Variants in UNC13B observed in about 807,000 individuals in gnomAD.
The protein encoded by UNC13B is unc-13 homolog B.
UNC13B carries 144 observed loss-of-function variants against 211.0 expected under a neutral mutation model. The observed-to-expected ratio is 0.68, with a 90% confidence interval of 0.60 to 0.78. The LOEUF (loss-of-function observed/expected upper bound fraction) is 0.78, where lower values mean the gene tolerates loss of function less well. UNC13B is among the 30% of genes least tolerant of loss of function. The pLI, the probability that UNC13B is intolerant of heterozygous loss-of-function variation, is 0.00. For synonymous variants in UNC13B, 709 were observed against 725.8 expected (o/e 0.98, Z 0.37); for missense variants, 1,777 against 2,002.0 (o/e 0.89, Z 2.14).
intron 7 of UNC13B, among the ~76,000 whole-genome samples, chr9:35,282,343 C>A (rs1054023824): frequency 2.0e-5 from 3 of 152,004 alleles, no homozygotes; most frequent in African/African-American, 7.2e-5. Context: ...ATGTTGTCAC[C>A]CAAGTATGTA....
intron 7 of UNC13B, among the ~76,000 whole-genome samples, chr9:35,277,363 G>A (rs2131708732): frequency 6.6e-6 from 1 of 152,328 alleles, no homozygotes; most frequent in African/African-American, 2.4e-5. Context: ...TGAGACATGA[G>A]TTTGGCAATA....
intron 7 of UNC13B, among the ~76,000 whole-genome samples, chr9:35,265,224 G>A (rs925153267): frequency 6.6e-6 from 1 of 152,184 alleles, no homozygotes; most frequent in Non-Finnish European, 1.5e-5. Context: ...ACTGTATTTG[G>A]ACATAGGACC....
chr9:35,259,195 T>G, intron 7 of UNC13B, 145 bp downstream of exon 7: 2 of 809,862 alleles, frequency 2.5e-6, no homozygotes, highest in South Asian at 1.8e-5. Context: ...TCAGGCGCCT[T>G]TCTCTGATGG....
chr9:35,300,558 C>G lies in UNC13B; in HGVS notation c.1154C>G (p.Pro385Arg), dbSNP rs1486816405. Residue 385 changes from proline (P) to arginine (R), a missense_variant, in exon 9 of 40, where the codon CCC becomes CGC. Coordinates refer to ENST00000635942, the MANE Select transcript of UNC13B (RefSeq NM_001371189.2). ...SSTSDELLGS[P>R]ISDKQENLQS... The stretch of plus-strand genomic sequence containing the variant: ...ACTTCTGATGAACTTCTGGGTTCCC[C>G]CATTTCTGATAAGCAGGAAAATTTA... 1.5e-5 allele frequency: 6 copies of G among 398,814 alleles called. No individual in the cohort carries two copies. The highest frequency in any genetic ancestry group is 2.7e-5 in the Non-Finnish European group (6 of 226,034). 24.7% of individuals were successfully genotyped at this position (398,814 alleles called of 1,614,324 possible).
At chr9:35,227,975 T>TAA in intron 1 of UNC13B, 40 bp from the exon 2 acceptor site, 1 of 1,599,066 alleles carries the variant, frequency 6.3e-7, no homozygotes, top group Non-Finnish European at 8.6e-7. Flanking sequence ...AAAATGAACT[T>TAA]GGAAACATTC....
chr9:35,367,643 T>TC (rs11439848), intron 12 of UNC13B, among the ~76,000 whole-genome samples: 57,620 of 151,870 alleles, frequency 0.38, 11,732 homozygotes, highest in African/African-American at 0.53. Context: ...ATTAAGTTAC[T>TC]CCTAGGCTTG....
intron 7 of UNC13B, among the ~76,000 whole-genome samples, chr9:35,274,570 T>C (rs1828066939): frequency 6.6e-6 from 1 of 152,184 alleles, no homozygotes; most frequent in Admixed American, 6.5e-5. Context: ...TAGGATGGCC[T>C]GCTAGGACTT....
chr9:35,295,299 T>G lies in UNC13B; in HGVS notation c.527-397T>G, dbSNP rs2296944. Among the ~76,000 whole-genome samples the G allele has an allele frequency of 7.2e-4, 110 of 152,322 alleles. 4 individuals carry two copies. The East Asian group carries it at 0.021, about 29-fold the overall frequency. On this transcript the variant is annotated intron_variant, in intron 7 of 39. Transcript: ENST00000635942. The stretch of plus-strand genomic sequence containing the variant: ...TTTTTTCCCCAAGATATGAAAAAGC[T>G]AACTTTTTTAAACCTCTGCTCCTTT...
intron 1 of UNC13B, among the ~76,000 whole-genome samples, chr9:35,207,763 T>G (rs1353024572): frequency 1.3e-5 from 2 of 152,220 alleles, no homozygotes; most frequent in Non-Finnish European, 2.9e-5. Context: ...TACAAAACTC[T>G]TATTAGATAT....
At chr9:35,366,892 C>T (rs910661091) in intron 11 of UNC13B, 55 bp from the exon 12 acceptor site, 20 of 1,478,262 alleles carry the variant, frequency 1.4e-5, no homozygotes, top group Admixed American at 1.0e-4. Context: ...GCTCAGATTA[C>T]AGGCAATCTC....
rs1177426354 is a variant in UNC13B at position 35,381,141 on chromosome 9, C to A, written c.10417C>A (p.Leu3473Ile). The change falls in exon 19 of 40, where the codon CTA (leucine) becomes ATA (isoleucine). Residue 3473 changes from leucine (L) to isoleucine (I), a missense_variant. Coordinates refer to ENST00000635942, the MANE Select transcript of UNC13B (RefSeq NM_001371189.2). The stretch of plus-strand genomic sequence containing the variant: ...ATCAGCCGTCTCAGGGGCTATCCGA[C>A]TACAAATCAGTGTGGAGATCAAGGG... ...DKSAVSGAIR[L>I]QISVEIKGEE... 1 of 1,614,194 alleles carries A rather than the reference C, an allele frequency of 6.2e-7. No homozygotes were observed. Among genetic ancestry groups the A allele is most frequent in the East Asian group, 2.2e-5 (1 of 44,882 alleles).
At position 35,195,191 on chromosome 9, in the gene UNC13B, T is replaced by G. The variant is rs1190575047; in HGVS notation, c.23-32824T>G. Among the ~76,000 whole-genome samples the G allele has an allele frequency of 2.6e-5, 4 of 152,184 alleles. No individual in the cohort carries two copies. In the East Asian group the frequency reaches 7.7e-4, roughly 29 times the overall value. On this transcript the variant is annotated intron_variant, in intron 1 of 39. Coordinates refer to ENST00000635942, the MANE Select transcript of UNC13B (RefSeq NM_001371189.2). ...ATGGAGCCACTATTTTGAACATGATTGGCACACCTGCCAGCATGTATGTCT... is the reference window on the plus strand; with the variant it reads ...ATGGAGCCACTATTTTGAACATGATGGGCACACCTGCCAGCATGTATGTCT...
chr9:35,364,682 C>T, intron 11 of UNC13B: 2 of 1,206,338 alleles, frequency 1.7e-6, no homozygotes, highest in Non-Finnish European at 2.3e-6. Flanking sequence ...CATGTGCGTG[C>T]ATGATCTGTG....
intron 11 of UNC13B, among the ~76,000 whole-genome samples, chr9:35,327,873 GCATCTAGCT>G (rs1218871172): frequency 1.3e-5 from 2 of 152,088 alleles, no homozygotes; most frequent in Non-Finnish European, 2.9e-5. Context: ...TCTAATATAC[GCATCTAGCT>G]CCGTCCTTGG....
Position 35,333,972 on chromosome 9 carries a change from T to TG in UNC13B, c.9414+19983_9414+19984insG, listed in dbSNP as rs796793856. Among the ~76,000 whole-genome samples the TG allele has an allele frequency of 2.0e-3, 304 of 151,990 alleles. 3 individuals are homozygous for TG. The highest frequency in any genetic ancestry group is 6.3e-3 in the African/African-American group (260 of 41,476). On this transcript the variant is annotated intron_variant, in intron 11 of 39. Transcript: ENST00000635942. The stretch of plus-strand genomic sequence containing the variant: ...TATTCATTTTTTTGTTTGTTTTTTT[T>TG]TTTGTTTTTTGAGACGGAGTCTTGC...
chr9:35,363,255 G>A (rs1257122354), intron 11 of UNC13B, among the ~76,000 whole-genome samples: 1 of 152,154 alleles, frequency 6.6e-6, no homozygotes, highest in East Asian at 1.9e-4. Flanking sequence ...GAAACCTGTG[G>A]AGAACAGAAG....
At chr9:35,342,952 T>C (rs1020281629) in intron 11 of UNC13B, among the ~76,000 whole-genome samples, 2 of 152,208 alleles carry the variant, frequency 1.3e-5, no homozygotes, top group East Asian at 1.9e-4. Context: ...ACCATCCTAA[T>C]GTATTAATTC....
At chr9:35,295,564 C>G (rs1357629526) in intron 7 of UNC13B, 132 bp from the exon 8 acceptor site, 5 of 754,808 alleles carry the variant, frequency 6.6e-6, no homozygotes, top group Non-Finnish European at 1.1e-5. Context: ...GAGGTCGTCA[C>G]TGGGCTCATG....
chr9:35,379,004 G>T (rs1212703990), intron 17 of UNC13B, among the ~76,000 whole-genome samples: 1 of 152,158 alleles, frequency 6.6e-6, no homozygotes, highest in African/African-American at 2.4e-5. Flanking sequence ...TGACAGTAAA[G>T]GATGGTTATT....
Sources: allele counts gnomAD v4.1 joint callset (sites outside exome capture counted in the v4.1 genomes callset), GRCh38; gene constraint gnomAD v4.1.1; transcripts MANE v1.5; gene names NCBI Gene and HGNC (gene_info 2026-07-23, HGNC 2026-07-21).